The following NEGR1 variants were observed in gnomAD, a reference collection of about 807,000 sequenced individuals.
The protein encoded by NEGR1 is neuronal growth regulator 1, also known as IgLON family member 4.
A neutral mutation model predicts 40.9 loss-of-function variants in NEGR1; 10 were observed. The observed-to-expected ratio is 0.24, with a 90% CI of 0.15 to 0.42. The LOEUF (loss-of-function observed/expected upper bound fraction) is 0.42, where lower values mean the gene tolerates loss of function less well. Ranked by LOEUF, NEGR1 falls within the 10% of genes least tolerant of loss-of-function variation. The pLI is 1.00. For synonymous variants in NEGR1, 185 were observed against 166.8 expected, an observed-to-expected ratio of 1.11 and a Z score of -0.84; for missense variants, 352 against 438.9, an observed-to-expected ratio of 0.80 and a Z score of 1.77.
chr1:71,767,820 G>A (rs1469480149), intron 3 of NEGR1, among the ~76,000 whole-genome samples: 1 of 152,208 alleles, frequency 6.6e-6, no homozygotes, highest in Non-Finnish European at 1.5e-5. Flanking sequence ...GCCTTGTGCA[G>A]CCTCAGAACA....
At chr1:72,036,143 T>C (rs899581087) in intron 1 of NEGR1, among the ~76,000 whole-genome samples, 4 of 152,236 alleles carry the variant, frequency 2.6e-5, no homozygotes, top group African/African-American at 9.6e-5. Context: ...TGATTTAGCA[T>C]AAGTACATTT....
chr1:71,846,016 A>C (rs188413424), intron 2 of NEGR1, among the ~76,000 whole-genome samples: 2 of 147,830 alleles, frequency 1.4e-5, no homozygotes, highest in Admixed American at 1.4e-4. Flanking sequence ...CTCCCACCAC[A>C]GGCTTCCAAA....
chr1:71,409,825 A>G (rs1557516571), intron 6 of NEGR1, among the ~76,000 whole-genome samples: 1 of 152,018 alleles, frequency 6.6e-6, no homozygotes, highest in Non-Finnish European at 1.5e-5. Flanking sequence ...TTTCTGTCCT[A>G]CAAAATGGAA....
chr1:72,206,802 T>C (rs1286017384), intron 1 of NEGR1, among the ~76,000 whole-genome samples: 2 of 151,974 alleles, frequency 1.3e-5, no homozygotes, highest in African/African-American at 2.4e-5. Context: ...CAGAAAGTCC[T>C]AAAGAAGGCT....
intron 1 of NEGR1, among the ~76,000 whole-genome samples, chr1:72,039,226 A>G (rs1262154657): frequency 6.6e-6 from 1 of 152,052 alleles, no homozygotes; most frequent in Non-Finnish European, 1.5e-5. Flanking sequence ...TTGATGCTGA[A>G]GGAATGTGAA....
At chr1:71,825,513 G>A (rs490859) in intron 2 of NEGR1, among the ~76,000 whole-genome samples, 59,625 of 151,656 alleles carry the variant, frequency 0.39, 12,397 homozygotes, top group East Asian at 0.66. Context: ...AATACTACTA[G>A]TATGTTTATT....
At position 71,829,874 on chromosome 1, in the gene NEGR1, T is replaced by C. The variant is rs7538543; in HGVS notation, c.410-53577A>G. Among the ~76,000 whole-genome samples, 411 of 152,086 alleles carry C rather than the reference T, an allele frequency of 2.7e-3. 3 individuals carry two copies. Among genetic ancestry groups the C allele is most frequent in the African/African-American group, 9.6e-3 (398 of 41,538 alleles). ...CAGGGAACTGTTAGGCACAGCCTTT[T>C]ATTACTTAAAATAACTACCTCCCCC... On this transcript the variant is annotated intron_variant, in intron 2 of 6. Coordinates refer to ENST00000357731, the MANE Select transcript of NEGR1 (RefSeq NM_173808.3).
At chr1:72,266,325 A>G (rs1655638275) in intron 1 of NEGR1, among the ~76,000 whole-genome samples, 1 of 150,972 alleles carries the variant, frequency 6.6e-6, no homozygotes, top group South Asian at 2.1e-4. Flanking sequence ...CCATAAGTAC[A>G]TACACTGTCA....
intron 1 of NEGR1, among the ~76,000 whole-genome samples, chr1:72,143,930 T>TATATATATAAA (rs1553145055): frequency 3.6e-5 from 5 of 140,502 alleles, no homozygotes; most frequent in East Asian, 2.0e-4. Flanking sequence ...TATATATATA[T>TATATATATAAA]ATATATATAT....
intron 6 of NEGR1, among the ~76,000 whole-genome samples, chr1:71,441,480 C>T (rs1646546876): frequency 6.6e-6 from 1 of 152,090 alleles, no homozygotes; most frequent in African/African-American, 2.4e-5. Context: ...CACAAAAGAA[C>T]TTGGTGAATT....
At chr1:72,258,371 A>C (rs1234051637) in intron 1 of NEGR1, among the ~76,000 whole-genome samples, 1 of 152,262 alleles carries the variant, frequency 6.6e-6, no homozygotes, top group East Asian at 1.9e-4. Context: ...TTAGAGGTAC[A>C]TGATTGTCGT....
At chr1:72,133,892 T>C (rs987040187) in intron 1 of NEGR1, among the ~76,000 whole-genome samples, 8 of 152,024 alleles carry the variant, frequency 5.3e-5, no homozygotes, top group African/African-American at 1.9e-4. Flanking sequence ...ATTCAATGTT[T>C]GCATATTTCC....
At chr1:72,081,778 G>T (rs546722618) in intron 1 of NEGR1, among the ~76,000 whole-genome samples, 1 of 152,070 alleles carries the variant, frequency 6.6e-6, no homozygotes, top group South Asian at 2.1e-4. Context: ...AAAGCAGCTC[G>T]CTTGATTCCT....
In NEGR1 at chr1:71,709,505, C is replaced by T. The variant is rs115876219; in HGVS notation, c.536-11366G>A. Among the ~76,000 whole-genome samples, 860 of 151,886 alleles carry T rather than the reference C, an allele frequency of 5.7e-3. 9 individuals carry two copies. Among genetic ancestry groups the T allele is most frequent in the African/African-American group, 0.02 (815 of 41,416 alleles). ...CTATAGTAACCAAAACAGGATGGCA[C>T]GAGTATGAAAACAGACACATAGAAC... On this transcript the variant is annotated intron_variant, in intron 3 of 6. Coordinates refer to ENST00000357731, the MANE Select transcript of NEGR1 (RefSeq NM_173808.3).
At chr1:71,958,873 T>A (rs1646139630) in intron 1 of NEGR1, among the ~76,000 whole-genome samples, 1 of 151,328 alleles carries the variant, frequency 6.6e-6, no homozygotes, top group African/African-American at 2.4e-5. Flanking sequence ...GAGAATCGCT[T>A]GAACCTGGGA....
intron 2 of NEGR1, among the ~76,000 whole-genome samples, chr1:71,810,569 G>A (rs1317009708): frequency 6.6e-6 from 1 of 152,104 alleles, no homozygotes; most frequent in Non-Finnish European, 1.5e-5. Flanking sequence ...TTATTGATAT[G>A]GTTTGGATTC....
At chr1:71,407,854 C>G (rs894127020) in intron 6 of NEGR1, 15 of 312,778 alleles carry the variant, frequency 4.8e-5, no homozygotes, top group African/African-American at 3.2e-4. Context: ...CATATTACAT[C>G]AACTAAACAC....
intron 4 of NEGR1, 30 bp from the exon 5 acceptor site, chr1:71,611,176 G>T: frequency 6.3e-7 from 1 of 1,591,502 alleles, no homozygotes; most frequent in East Asian, 2.2e-5. Context: ...ACAAATACTA[G>T]TAGATAAGTA....
At chr1:71,859,066 T>C (rs1313648714) in intron 2 of NEGR1, among the ~76,000 whole-genome samples, 1 of 152,076 alleles carries the variant, frequency 6.6e-6, no homozygotes. Context: ...CCTATGTCAC[T>C]TGGTGTTCAC....
Sources: allele counts gnomAD v4.1 joint callset (sites outside exome capture counted in the v4.1 genomes callset), GRCh38; gene constraint gnomAD v4.1.1; transcripts MANE v1.5; gene names NCBI Gene and HGNC (gene_info 2026-07-23, HGNC 2026-07-21).